The following RNF4 variants were observed in gnomAD, a reference collection of about 807,000 sequenced individuals.
RNF4 encodes the protein E3 ubiquitin-protein ligase RNF4.
A neutral mutation model predicts 24.3 loss-of-function variants in RNF4; 7 were observed. The ratio of observed to expected loss-of-function variants is 0.29; its 90% confidence interval spans 0.16 to 0.54. The LOEUF is 0.54. Ranked by LOEUF, RNF4 falls within the 20% of genes least tolerant of loss-of-function variation. The pLI is 0.95. For missense variants in RNF4, 209 were observed against 248.5 expected (o/e 0.84, Z 1.07); for synonymous variants, 83 against 84.3 (o/e 0.98, Z 0.09).
At chr4:2,486,625 C>G (rs1735415664) in intron 1 of RNF4, among the ~76,000 whole-genome samples, 1 of 152,156 alleles carries the variant, frequency 6.6e-6, no homozygotes, top group Non-Finnish European at 1.5e-5. Context: ...TCTAGCTGGG[C>G]CTGCAGGGAT....
chr4:2,501,862 G>GTGCTGAGAACTTCAGAATAGGGTTA (rs1281793460), intron 4 of RNF4, among the ~76,000 whole-genome samples: 4 of 152,174 alleles, frequency 2.6e-5, no homozygotes, highest in Admixed American at 2.0e-4. Flanking sequence ...CTTCTTAGTT[G>GTGCTGAGAACTTCAGAATAGGGTTA]TGCTGAGAAC....
At chr4:2,484,374 C>T (rs1375977112) in intron 1 of RNF4, among the ~76,000 whole-genome samples, 1 of 151,922 alleles carries the variant, frequency 6.6e-6, no homozygotes, top group Admixed American at 6.6e-5. Context: ...AATTTGGTTC[C>T]AGTCTAACAC....
At chr4:2,511,662 A>T (rs1311094536) in intron 4 of RNF4, among the ~76,000 whole-genome samples, 3 of 152,040 alleles carry the variant, frequency 2.0e-5, no homozygotes, top group Non-Finnish European at 2.9e-5. Context: ...CAGGTCTTGC[A>T]GTCAGCACAT....
chr4:2,507,652 C>G (rs971678860), intron 4 of RNF4, among the ~76,000 whole-genome samples: 4 of 152,070 alleles, frequency 2.6e-5, no homozygotes, highest in Non-Finnish European at 5.9e-5. Context: ...CCCAGTGATT[C>G]CTATACTTGC....
intron 1 of RNF4, among the ~76,000 whole-genome samples, chr4:2,475,618 G>T (rs146339835): frequency 6.6e-6 from 1 of 152,192 alleles, no homozygotes; most frequent in Non-Finnish European, 1.5e-5. Context: ...GATTACAGGC[G>T]TGAGCCACCT....
intron 7 of RNF4, 90 bp from the exon 8 acceptor site, chr4:2,513,580 T>C: frequency 1.3e-6 from 2 of 1,500,968 alleles, no homozygotes; most frequent in African/African-American, 1.4e-5. Context: ...TAATTAGTCA[T>C]CTTAGGCATA....
intron 1 of RNF4, among the ~76,000 whole-genome samples, chr4:2,473,958 G>C (rs1303042956): frequency 6.6e-6 from 1 of 152,186 alleles, no homozygotes; most frequent in Non-Finnish European, 1.5e-5. Context: ...TTACTGCATA[G>C]TAATCCCGGC....
intron 3 of RNF4, 167 bp downstream of exon 3, chr4:2,497,288 C>G: frequency 1.9e-6 from 1 of 533,538 alleles, no homozygotes; most frequent in Admixed American, 3.6e-5. Context: ...AGCTTCTCAA[C>G]TGGGCTAACT....
intron 1 of RNF4, chr4:2,489,701 A>G (rs552562024): frequency 2.0e-5 from 3 of 152,316 alleles, no homozygotes; most frequent in African/African-American, 7.2e-5. Flanking sequence ...TTGTGGCTCC[A>G]TTAACCATGC....
intron 1 of RNF4, among the ~76,000 whole-genome samples, chr4:2,489,446 T>C (rs1029473377): frequency 3.0e-4 from 46 of 152,198 alleles, no homozygotes; most frequent in African/African-American, 1.0e-3. Flanking sequence ...CATCTCGTTA[T>C]GCTACTTCAG....
rs937437447 is a variant in RNF4 at position 2,512,681 on chromosome 4, C to T, written c.374+84C>T. ...GAATACTTTTCAGCAAATCTGTGAG[C>T]CCTTGGCCCTGGAAGGGCTTGCCCA... On this transcript the variant is annotated intron_variant, in intron 6 of 7. Coordinates refer to ENST00000314289, the MANE Select transcript of RNF4 (RefSeq NM_002938.5). The surrounding 1 kb of genome is among the most constrained non-coding windows in gnomAD (Gnocchi z 4.1). 6 of 1,507,596 alleles carry T rather than the reference C, an allele frequency of 4.0e-6. No homozygotes were observed. The highest frequency in any genetic ancestry group is 5.4e-6 in the Non-Finnish European group (6 of 1,116,370). 93.4% of individuals were successfully genotyped at this position (1,507,596 alleles called of 1,614,324 possible).
At chr4:2,477,127 C>T (rs1735102374) in intron 1 of RNF4, among the ~76,000 whole-genome samples, 1 of 152,134 alleles carries the variant, frequency 6.6e-6, no homozygotes, top group South Asian at 2.1e-4. Context: ...GCCTCAGTGT[C>T]CCAAGTAAAT....
intron 2 of RNF4, among the ~76,000 whole-genome samples, chr4:2,492,770 C>T (rs1178431997): frequency 1.3e-5 from 2 of 152,186 alleles, no homozygotes; most frequent in Non-Finnish European, 2.9e-5. Flanking sequence ...AAAAAGCCCA[C>T]TTCTTTGACC....
chr4:2,476,339 G>T (rs1735070553), intron 1 of RNF4, among the ~76,000 whole-genome samples: 1 of 152,146 alleles, frequency 6.6e-6, no homozygotes, highest in Non-Finnish European at 1.5e-5. Flanking sequence ...AGTTGAAAAT[G>T]CCTCAGGTAG....
chr4:2,509,308 C>T (rs4974708), intron 4 of RNF4, among the ~76,000 whole-genome samples: 55,753 of 151,686 alleles, frequency 0.37, 11,888 homozygotes, highest in Admixed American at 0.55. Context: ...CCCTCCACCT[C>T]CTGGGTTCAA....
intron 1 of RNF4, among the ~76,000 whole-genome samples, chr4:2,476,812 CTT>C (rs34392249): frequency 2.8e-5 from 4 of 141,398 alleles, no homozygotes; most frequent in Non-Finnish European, 4.6e-5. Flanking sequence ...CAGCCTAAAA[CTT>C]TTTTTTTTTT....
Position 2,512,492 on chromosome 4 carries a change from G to C in RNF4, c.269G>C (p.Ser90Thr). 1 of 1,613,802 alleles carries C rather than the reference G, an allele frequency of 6.2e-7. No individual in the cohort carries two copies. The highest frequency in any genetic ancestry group is 8.5e-7 in the Non-Finnish European group (1 of 1,179,770). ...AGGCTGCCCCAGGACCATGCTGACA[G>C]CTGTGTGGTGAGCAGTGACGATGAG... is the stretch of plus-strand genomic sequence containing the variant. ...ARRLPQDHAD[S>T]CVVSSDDEEL... is the part of the protein sequence containing the mutation. The change falls in exon 6 of 8, where the codon AGC becomes ACC. Residue 90 changes from serine (S) to threonine (T), a missense_variant. By Grantham distance (58) the Ser-to-Thr change is moderately conservative. Around this residue, in one of 3 missense-constraint regions of RNF4, gnomAD observed 182 missense variants for 197.2 expected, o/e 0.92. Coordinates refer to ENST00000314289, the MANE Select transcript of RNF4 (RefSeq NM_002938.5). This position sits in a 1 kb window ranked among gnomAD's most constrained non-coding sequence, Gnocchi z 4.1.
intron 3 of RNF4, among the ~76,000 whole-genome samples, 198 bp from the exon 4 acceptor site, chr4:2,500,461 G>A (rs1220694930): frequency 6.6e-6 from 1 of 152,202 alleles, no homozygotes; most frequent in African/African-American, 2.4e-5. Flanking sequence ...TCCCCACTCA[G>A]AGCAGAATTC....
intron 1 of RNF4, among the ~76,000 whole-genome samples, chr4:2,471,725 G>C (rs1340327867): frequency 6.6e-6 from 1 of 152,234 alleles, no homozygotes; most frequent in Non-Finnish European, 1.5e-5. Context: ...AGTTTTAGTG[G>C]TCTGGATAGA....
Sources: gnomAD v4.1 joint callset for allele counts (sites outside exome capture counted in the v4.1 genomes callset) on GRCh38, gnomAD v4.1.1 for gene constraint, gnomAD v4.1.1 regional missense constraint, Gnocchi (gnomAD v3.1) non-coding constraint, MANE v1.5 for transcripts, NCBI Gene and HGNC (gene_info 2026-07-23, HGNC 2026-07-21) for gene names.